TET2: variants seen among roughly 807,000 people sequenced by gnomAD.
The protein encoded by TET2 is methylcytosine dioxygenase TET2.
In TET2, 299 loss-of-function variants were observed where a neutral mutation model predicts 142.9. The ratio of observed to expected loss-of-function variants is 2.09; its 90% CI spans 1.90 to 2.30. TET2 has a LOEUF of 2.30. Ranked by LOEUF, TET2 falls within the 30% of genes most tolerant of loss-of-function variation. The pLI is 0.00. For synonymous variants in TET2, 819 were observed against 849.0 expected (o/e 0.96, Z 0.61); for missense variants, 2,418 against 2,378.0 (o/e 1.02, Z -0.35).
chr4:105,168,401 C>G (rs1173079776), intron 1 of TET2, among the ~76,000 whole-genome samples: 1 of 152,090 alleles, frequency 6.6e-6, no homozygotes, highest in Non-Finnish European at 1.5e-5. Context: ...TTCCTCCAGG[C>G]CTTTGCACTT....
chr4:105,205,676 G>C (rs1256077258), intron 2 of TET2, among the ~76,000 whole-genome samples: 1 of 151,826 alleles, frequency 6.6e-6, no homozygotes, highest in Admixed American at 6.6e-5. Flanking sequence ...TTGTTGCCTA[G>C]GCTGGAGTGC....
At position 105,242,752 on chromosome 4, in the gene TET2, G is replaced by A. The variant is rs143358649; in HGVS notation, c.3501-82G>A. ...GGATGTGGTCATAGAATAAAGTTAT[G>A]CTCAAATGTTCAAATATTTTGATTG... On this transcript the variant is annotated intron_variant, in intron 4 of 10. Coordinates refer to ENST00000380013, the MANE Select transcript of TET2 (RefSeq NM_001127208.3). 5.3e-3 allele frequency: 8,054 copies of A among 1,520,108 alleles called. 37 individuals carry two copies. Among genetic ancestry groups the A allele is most frequent in the Non-Finnish European group, 6.4e-3 (7,219 of 1,134,852 alleles). The allele number at this position is 1,520,108 out of a possible 1,614,324, so 94.2% of individuals were successfully genotyped here. A position where few individuals can be genotyped will look rare whatever the true frequency, so the allele number is the denominator to read the frequency against.
chr4:105,158,942 T>C (rs932858575), intron 1 of TET2, among the ~76,000 whole-genome samples: 1 of 152,170 alleles, frequency 6.6e-6, no homozygotes, highest in Non-Finnish European at 1.5e-5. Flanking sequence ...TTTCTCTCCT[T>C]CCAGTTACAC....
chr4:105,238,846 T>C (rs1275169508), intron 3 of TET2: 1 of 239,326 alleles, frequency 4.2e-6, no homozygotes, highest in Non-Finnish European at 8.9e-6. Context: ...CAATGTACTT[T>C]GCCCGGATCC....
In TET2 at chr4:105,269,674, G is replaced by T. The variant is rs1018460329; in HGVS notation, c.4109G>T (p.Gly1370Val). Residue 1370 changes from glycine (G) to valine (V), a missense_variant, in exon 9 of 11, where the codon GGG becomes GTG. By Grantham distance (109) the Gly-to-Val change is moderately radical. Coordinates refer to ENST00000380013, the MANE Select transcript of TET2 (RefSeq NM_001127208.3). ...CTGAAGGAAGGCCGTCCATTCTCAG[G>T]GGTCACTGCATGTTTGGACTTCTGT... ...LGLKEGRPFS[G>V]VTACLDFCAH... 1 of 1,551,586 alleles carries T rather than the reference G, an allele frequency of 6.4e-7. No homozygotes were observed. Among genetic ancestry groups the T allele is most frequent in the Non-Finnish European group, 8.7e-7 (1 of 1,146,942 alleles).
chr4:105,237,319 C>T lies in TET2; in HGVS notation c.3377C>T (p.Thr1126Ile), dbSNP rs142740297. ...IKNLLDTPVK[T>I]QYDFPSCRCV... is the part of the protein sequence containing the mutation. The stretch of plus-strand genomic sequence containing the variant: ...AATTTATTGGATACACCTGTCAAGA[C>T]TCAATATGATTTCCCATCTTGCAGA... The change falls in exon 3 of 11, where the codon ACT (threonine) becomes ATT (isoleucine). Residue 1126 changes from threonine to isoleucine, a missense_variant. Physicochemically the swap from Thr to Ile is moderately conservative, Grantham distance 89. Transcript: ENST00000380013. 6.2e-7 allele frequency: 1 copy of T among 1,614,136 alleles called. No homozygotes were observed. The highest frequency in any genetic ancestry group is 8.5e-7 in the Non-Finnish European group (1 of 1,179,976).
rs143273614 is a variant in TET2, at chr4:105,248,622, A to T, written c.3803+4844A>T. 1.1e-4 allele frequency among the ~76,000 whole-genome samples: 16 copies of T among 152,334 alleles called. No homozygotes were observed. The East Asian group carries it at 2.9e-3, about 28-fold the overall frequency. On this transcript the variant is annotated intron_variant, in intron 6 of 10. Transcript: ENST00000380013. ...CCACTTTATTAGAAAATCAACTTTAAGTTATTCCCCCATGTTTTTTTCTAA... is the reference window on the plus strand; with the variant it reads ...CCACTTTATTAGAAAATCAACTTTATGTTATTCCCCCATGTTTTTTTCTAA...
chr4:105,253,674 A>G (rs4698935), intron 6 of TET2, among the ~76,000 whole-genome samples: 2 of 151,840 alleles, frequency 1.3e-5, no homozygotes, highest in South Asian at 4.1e-4. Context: ...TTCCAGTATG[A>G]TGTTGAAAGG....
intron 8 of TET2, among the ~76,000 whole-genome samples, chr4:105,265,236 G>A (rs554470481): frequency 1.3e-5 from 2 of 152,314 alleles, no homozygotes; most frequent in South Asian, 4.1e-4. Context: ...CTAGCCACAT[G>A]TGGTTATTAT....
chr4:105,148,257 GAT>G (rs1723135143), intron 1 of TET2, among the ~76,000 whole-genome samples: 1 of 152,144 alleles, frequency 6.6e-6, no homozygotes, highest in African/African-American at 2.4e-5. Flanking sequence ...TTCCCCTCAT[GAT>G]ATACTTTTAA....
rs1046544698 is a variant in TET2 at position 105,146,988 on chromosome 4, G to A, written c.-193+9G>A. 3 of 152,286 alleles carry A rather than the reference G, an allele frequency of 2.0e-5. No homozygotes were observed. The highest frequency in any genetic ancestry group is 7.2e-5 in the African/African-American group (3 of 41,468). 9.4% of individuals were successfully genotyped at this position (152,286 alleles called of 1,614,324 possible). On this transcript the variant is annotated intron_variant, in intron 1 of 10. Transcript: ENST00000380013. ...TGAGGGACGAGAACGAGGTCAGAGC[G>A]CTTCTCTTATGCCGCGAAACTCTCC...
At position 105,267,011 on chromosome 4, in the gene TET2, T is replaced by C. The variant is rs1257974602; in HGVS notation, c.4045-2599T>C. On this transcript the variant is annotated intron_variant, in intron 8 of 10. Coordinates refer to ENST00000380013, the MANE Select transcript of TET2 (RefSeq NM_001127208.3). The stretch of plus-strand genomic sequence containing the variant: ...AGGCAAATGGAGAAAAAAGGACATA[T>C]TACACTAGGTGGGAAAAAATAAGAC... Among the ~76,000 whole-genome samples the C allele has an allele frequency of 4.0e-5, 6 of 151,734 alleles. No homozygotes were observed. In the East Asian group the frequency reaches 1.2e-3, roughly 29 times the overall value.
chr4:105,243,842 T>G, intron 6 of TET2, 64 bp downstream of exon 6: 1 of 1,443,072 alleles, frequency 6.9e-7, no homozygotes, highest in Non-Finnish European at 9.5e-7. Flanking sequence ...AATCTTTGGT[T>G]GAAAGGAAGA....
chr4:105,201,960 C>T (rs1317761636), intron 2 of TET2, among the ~76,000 whole-genome samples: 3 of 151,750 alleles, frequency 2.0e-5, no homozygotes, highest in South Asian at 4.2e-4. Flanking sequence ...CCAGGCTGTT[C>T]GCAAACTCCT....
intron 2 of TET2, among the ~76,000 whole-genome samples, chr4:105,214,859 ATAAG>A (rs1048372860): frequency 1.3e-5 from 2 of 152,128 alleles, no homozygotes; most frequent in African/African-American, 2.4e-5. Context: ...ACCAGCAAAT[ATAAG>A]TAAGTGTTTC....
rs1316280181 is a variant in TET2 at position 105,242,799 on chromosome 4, TTGTA to T, written c.3501-31_3501-28del. Reference sequence around the variant, plus strand: ...ATTGCCTCTTGAATTCATTTGCTAATTGTATGTGTGTGTGTTTCTGTGGGTTTCT... The same window carrying T: ...ATTGCCTCTTGAATTCATTTGCTAATTGTGTGTGTGTTTCTGTGGGTTTCT... On this transcript the variant is annotated intron_variant, in intron 4 of 10. Transcript: ENST00000380013. 6 of 1,540,094 alleles carry T rather than the reference TTGTA, an allele frequency of 3.9e-6. No individual in the cohort carries two copies. The East Asian group carries it at 7.4e-5, about 19-fold the overall frequency.
intron 1 of TET2, among the ~76,000 whole-genome samples, chr4:105,156,139 A>C (rs1723555632): frequency 6.6e-6 from 1 of 152,184 alleles, no homozygotes; most frequent in South Asian, 2.1e-4. Flanking sequence ...TGAGTGTAGT[A>C]CTTCATCTTT....
At chr4:105,255,270 C>T (rs1372764016) in intron 6 of TET2, among the ~76,000 whole-genome samples, 1 of 152,032 alleles carries the variant, frequency 6.6e-6, no homozygotes, top group Non-Finnish European at 1.5e-5. Context: ...TTTTTGATTC[C>T]TGACTGTATA....
chr4:105,170,796 A>C (rs961031790), intron 1 of TET2, among the ~76,000 whole-genome samples: 1 of 152,134 alleles, frequency 6.6e-6, no homozygotes, highest in Non-Finnish European at 1.5e-5. Context: ...TGTTGCGGCT[A>C]CCTCAAAATA....
Sources: gnomAD v4.1 joint callset for allele counts (sites outside exome capture counted in the v4.1 genomes callset) on GRCh38, gnomAD v4.1.1 for gene constraint, MANE v1.5 for transcripts, NCBI Gene and HGNC (gene_info 2026-07-23, HGNC 2026-07-21) for gene names.